SCYL3: variants seen among roughly 807,000 people sequenced by gnomAD.
The protein encoded by SCYL3 is SCY1 like pseudokinase 3.
A neutral mutation model predicts 73.8 loss-of-function variants in SCYL3; 35 were observed. The ratio of observed to expected loss-of-function variants is 0.47; its 90% CI spans 0.36 to 0.63. The LOEUF (loss-of-function observed/expected upper bound fraction) is 0.63. Ranked by LOEUF, SCYL3 falls within the 20% of genes least tolerant of loss-of-function variation. The pLI is 0.00. For synonymous variants in SCYL3, 277 were observed against 295.2 expected (o/e 0.94, Z 0.63); for missense variants, 712 against 798.9 (o/e 0.89, Z 1.31).
In SCYL3 at chr1:169,851,661, C is replaced by A; in HGVS notation, c.*2052G>T. The stretch of plus-strand genomic sequence containing the variant: ...GAAGAACACAGTAGAGTGATTTAAT[C>A]CAGATTATACTAAGAGTATTTATAG... On this transcript the variant is annotated 3_prime_UTR_variant, in exon 13 of 13. Coordinates refer to ENST00000367771, the MANE Select transcript of SCYL3 (RefSeq NM_020423.7). The A allele has an allele frequency of 1.2e-6, 1 of 827,406 alleles. No individual in the cohort carries two copies. The highest frequency in any genetic ancestry group is 1.9e-6 in the Non-Finnish European group (1 of 530,972). 51.3% of individuals were successfully genotyped at this position (827,406 alleles called of 1,614,324 possible).
At chr1:169,869,716 A>G (rs1660263238) in intron 6 of SCYL3, among the ~76,000 whole-genome samples, 1 of 152,258 alleles carries the variant, frequency 6.6e-6, no homozygotes, top group African/African-American at 2.4e-5. Flanking sequence ...GCTGCCAAGC[A>G]TGCAGTTAGA....
intron 3 of SCYL3, among the ~76,000 whole-genome samples, chr1:169,878,046 A>T (rs1156285297): frequency 2.0e-5 from 3 of 152,244 alleles, no homozygotes; most frequent in African/African-American, 7.2e-5. Flanking sequence ...AATACTGTCA[A>T]GAAACAGACC....
chr1:169,862,532 T>C, intron 10 of SCYL3, 81 bp downstream of exon 10: 2 of 1,466,878 alleles, frequency 1.4e-6, no homozygotes, highest in South Asian at 1.2e-5. Context: ...TAAGCTATTA[T>C]CTGAATACCT....
At position 169,873,708 on chromosome 1, in the gene SCYL3, A is replaced by T. The variant is rs1431764320; in HGVS notation, c.510T>A (p.Pro170=). 1 of 1,602,408 alleles carries T rather than the reference A, an allele frequency of 6.2e-7. No homozygotes were observed. The highest frequency in any genetic ancestry group is 2.2e-5 in the East Asian group (1 of 44,800). The change falls in exon 5 of 13, where the codon CCT becomes CCA. Residue 170 remains proline, a synonymous_variant. Coordinates refer to ENST00000367771, the MANE Select transcript of SCYL3 (RefSeq NM_020423.7). ...IQSIRDPASI[P]PEEMSPEFTT... is the part of the protein sequence containing the mutation. ...TATATCATCTTACCATCTCTTCAGG[A>T]GGGATAGATGCTGGGTCTCTTATTG...
chr1:169,887,113 A>G (rs1357595492), intron 2 of SCYL3, among the ~76,000 whole-genome samples: 1 of 152,218 alleles, frequency 6.6e-6, no homozygotes, highest in East Asian at 1.9e-4. Flanking sequence ...CATTCTGAGA[A>G]TCTAAAGTTA....
chr1:169,889,774 G>A (rs1035755113), intron 1 of SCYL3, among the ~76,000 whole-genome samples: 10 of 152,130 alleles, frequency 6.6e-5, no homozygotes, highest in South Asian at 2.1e-4. Flanking sequence ...TGATGGTAAC[G>A]GGTGATTATG....
At chr1:169,879,392 G>A (rs1661085416) in intron 2 of SCYL3, among the ~76,000 whole-genome samples, 1 of 152,198 alleles carries the variant, frequency 6.6e-6, no homozygotes, top group African/African-American at 2.4e-5. Context: ...GGAGAGAGCT[G>A]GAGAGATGTC....
rs376478417 is a variant in SCYL3 at position 169,859,088 on chromosome 1, T to C, written c.1265A>G (p.Lys422Arg). 6.2e-7 allele frequency: 1 copy of C among 1,614,024 alleles called. No individual in the cohort carries two copies. Among genetic ancestry groups the C allele is most frequent in the African/African-American group, 1.3e-5 (1 of 75,002 alleles). The change falls in exon 11 of 13, where the codon AAA (lysine) becomes AGA (arginine). Residue 422 changes from lysine to arginine, a missense_variant. Transcript: ENST00000367771. ...VVGGERTKIF[K>R]RTAPSFTKNT... ...TTTAGTAAAACTTGGGGCAGTGCGT[T>C]TGAAGATCTTGGTTCGTTCTCCTCC... is the stretch of plus-strand genomic sequence containing the variant.
chr1:169,869,212 GA>G (rs1660233878), intron 6 of SCYL3, 173 bp from the exon 7 acceptor site: 7 of 578,950 alleles, frequency 1.2e-5, no homozygotes, highest in Middle Eastern at 4.4e-4. Flanking sequence ...GGCAGGTGTA[GA>G]AAGTTGTCCT....
intron 5 of SCYL3, 42 bp from the exon 6 acceptor site, chr1:169,870,399 A>G (rs530558259): frequency 5.9e-5 from 81 of 1,378,920 alleles, no homozygotes; most frequent in East Asian, 4.6e-5. Context: ...GATCTGCCTT[A>G]TAAGCCATTT....
At chr1:169,858,921 A>G (rs1415700161) in intron 11 of SCYL3, 120 bp downstream of exon 11, 3 of 884,474 alleles carry the variant, frequency 3.4e-6, no homozygotes, top group East Asian at 5.7e-5. Flanking sequence ...AGAGAAATTA[A>G]CTTTTTATTT....
rs368221643 is a variant in SCYL3 at position 169,854,868 on chromosome 1, T to C, written c.1409A>G (p.Lys470Arg). ...EDSENFPSSS[K>R]KSEEWPDWSE... Reference sequence around the variant, plus strand: ...CCAGTCAGGCCACTCCTCAGACTTTTTAGAACTTGATGGGAAGTTTTCACT... The same window carrying C: ...CCAGTCAGGCCACTCCTCAGACTTTCTAGAACTTGATGGGAAGTTTTCACT... Residue 470 changes from lysine to arginine, a missense_variant, in exon 12 of 13, where the codon AAA (lysine) becomes AGA (arginine). This residue lies in a region of SCYL3 where 370 missense variants were observed against 350.8 expected (regional missense o/e 1.05). Coordinates refer to ENST00000367771, the MANE Select transcript of SCYL3 (RefSeq NM_020423.7). 3 of 1,614,028 alleles carry C rather than the reference T, an allele frequency of 1.9e-6. No homozygotes were observed. Among genetic ancestry groups the C allele is most frequent in the East Asian group, 2.2e-5 (1 of 44,884 alleles).
At chr1:169,867,167 T>C (rs993017649) in intron 7 of SCYL3, among the ~76,000 whole-genome samples, 194 bp from the exon 8 acceptor site, 1 of 152,250 alleles carries the variant, frequency 6.6e-6, no homozygotes, top group Non-Finnish European at 1.5e-5. Flanking sequence ...AATATTTTAA[T>C]AGCAAAGAGA....
intron 9 of SCYL3, 106 bp downstream of exon 9, chr1:169,864,250 GTTCTCCGTTTTTA>G: frequency 7.5e-7 from 1 of 1,333,630 alleles, no homozygotes; most frequent in Non-Finnish European, 1.1e-6. Context: ...GCCAACAATT[GTTCTCCGTTTTTA>G]GAACCAAACA....
chr1:169,870,221 A>T (rs549452748), intron 6 of SCYL3, 34 bp downstream of exon 6: 1 of 1,390,348 alleles, frequency 7.2e-7, no homozygotes, highest in Admixed American at 1.8e-5. Context: ...TTTCCTACTT[A>T]TTCTATAGAT....
In SCYL3 at chr1:169,872,491, G is replaced by A. The variant is rs540330792; in HGVS notation, c.522+1205C>T. On this transcript the variant is annotated intron_variant, in intron 5 of 12. Coordinates refer to ENST00000367771, the MANE Select transcript of SCYL3 (RefSeq NM_020423.7). ...CAGTGTGAAAAGGAAATGTGAGGTCGGTGCCCCCACACAGAGTTCCTACTG... is the reference window on the plus strand; with the variant it reads ...CAGTGTGAAAAGGAAATGTGAGGTCAGTGCCCCCACACAGAGTTCCTACTG... Among the ~76,000 whole-genome samples, 21 of 152,312 alleles carry A rather than the reference G, an allele frequency of 1.4e-4. No homozygotes were observed. In the East Asian group the frequency reaches 1.7e-3, roughly 13 times the overall value.
intron 2 of SCYL3, among the ~76,000 whole-genome samples, chr1:169,880,394 A>G (rs978469628): frequency 1.1e-5 from 1 of 91,004 alleles, no homozygotes; most frequent in African/African-American, 3.5e-5. Context: ...AGATAAAAAA[A>G]TCTTAGAAGC....
At chr1:169,863,400 A>T (rs2102153245) in intron 9 of SCYL3, among the ~76,000 whole-genome samples, 2 of 152,290 alleles carry the variant, frequency 1.3e-5, no homozygotes, top group East Asian at 3.9e-4. Flanking sequence ...ATGTTTAATC[A>T]GTGAGGAATT....
chr1:169,855,045 TGTA>T, intron 11 of SCYL3, 81 bp from the exon 12 acceptor site: 7 of 998,424 alleles, frequency 7.0e-6, no homozygotes, highest in East Asian at 5.0e-5. Context: ...ATTAAGGAAG[TGTA>T]GTAGTATAGG....
Sources: allele counts gnomAD v4.1 joint callset (sites outside exome capture counted in the v4.1 genomes callset), GRCh38; gene constraint gnomAD v4.1.1; regional missense constraint gnomAD v4.1.1; transcripts MANE v1.5; gene names NCBI Gene and HGNC (gene_info 2026-07-23, HGNC 2026-07-21).